Variants in TDRD7 observed in about 807,000 individuals in gnomAD.
TDRD7 encodes tudor domain containing 7.
In TDRD7, 47 loss-of-function variants were observed where a neutral mutation model predicts 109.8. The ratio of observed to expected loss-of-function variants is 0.43; its 90% CI spans 0.34 to 0.55. TDRD7 has a LOEUF of 0.55. Ranked by LOEUF, TDRD7 falls within the 20% of genes least tolerant of loss-of-function variation. TDRD7 has a pLI of 0.03. For synonymous variants in TDRD7, 424 were observed against 457.3 expected (o/e 0.93, Z 0.93); for missense variants, 1,164 against 1,319.2 (o/e 0.88, Z 1.82).
chr9:97,489,056 C>G (rs1829259443), intron 16 of TDRD7, among the ~76,000 whole-genome samples: 1 of 152,070 alleles, frequency 6.6e-6, no homozygotes, highest in African/African-American at 2.4e-5. Flanking sequence ...TTTTATTTCC[C>G]AAAATGTGGT....
intron 16 of TDRD7, among the ~76,000 whole-genome samples, chr9:97,488,560 G>GTTTTTTTTTTTTTT (rs61689126): frequency 2.1e-5 from 3 of 140,598 alleles, no homozygotes; most frequent in Non-Finnish European, 3.1e-5. Flanking sequence ...AGATTTAATG[G>GTTTTTTTTTTTTTT]TTTTTTTTTT....
At chr9:97,478,122 G>A (rs563576646) in intron 12 of TDRD7, among the ~76,000 whole-genome samples, 3 of 152,144 alleles carry the variant, frequency 2.0e-5, no homozygotes, top group Admixed American at 6.5e-5. Flanking sequence ...TTAGCTGGTT[G>A]TGGTGGTGGG....
Position 97,466,558 on chromosome 9 carries a change from G to A in TDRD7, c.1629+1530G>A, listed in dbSNP as rs551633712. Among the ~76,000 whole-genome samples, 138 of 152,298 alleles carry A rather than the reference G, an allele frequency of 9.1e-4. 1 individual carries two copies. Among genetic ancestry groups the A allele is most frequent in the Non-Finnish European group, 1.6e-3 (110 of 68,038 alleles). On this transcript the variant is annotated intron_variant, in intron 8 of 16. Transcript: ENST00000355295. Reference sequence around the variant, plus strand: ...ACACAGCCCAAATGTTCACCAACAGGTGGATCATAAAAACAAATTATAGTT... The same window carrying A: ...ACACAGCCCAAATGTTCACCAACAGATGGATCATAAAAACAAATTATAGTT...
intron 1 of TDRD7, among the ~76,000 whole-genome samples, chr9:97,423,582 T>G (rs1827933268): frequency 7.6e-6 from 1 of 131,262 alleles, no homozygotes. Flanking sequence ...GATATAAATT[T>G]CTCTTTTTGT....
chr9:97,424,855 T>C (rs1180953789), intron 1 of TDRD7, among the ~76,000 whole-genome samples: 1 of 152,086 alleles, frequency 6.6e-6, no homozygotes, highest in East Asian at 1.9e-4. Context: ...CCCTTTTTTT[T>C]CTCCTTTTTC....
At chr9:97,421,698 TTGTGTGTGTGTGTGTGTG>T (rs59218055) in intron 1 of TDRD7, among the ~76,000 whole-genome samples, 167 of 142,924 alleles carry the variant, frequency 1.2e-3, no homozygotes, top group East Asian at 5.7e-3. Flanking sequence ...TGCCCAGCTT[TTGTGTGTGTGTGTGTGTG>T]TGTGTGTGTG....
intron 2 of TDRD7, among the ~76,000 whole-genome samples, chr9:97,430,562 A>T (rs997584085): frequency 2.0e-5 from 3 of 152,204 alleles, no homozygotes; most frequent in Admixed American, 6.5e-5. Context: ...GAGCCTCTGC[A>T]TTCCCATGTG....
At chr9:97,426,485 C>T (rs533040169) in intron 1 of TDRD7, among the ~76,000 whole-genome samples, 1 of 152,158 alleles carries the variant, frequency 6.6e-6, no homozygotes, top group Non-Finnish European at 1.5e-5. Context: ...CTCCTGGGCT[C>T]AAGTGATTCT....
intron 6 of TDRD7, among the ~76,000 whole-genome samples, chr9:97,457,684 G>A (rs775500538): frequency 2.0e-5 from 3 of 152,052 alleles, no homozygotes; most frequent in Non-Finnish European, 4.4e-5. Context: ...GGCCACACAC[G>A]TATGTTTATT....
chr9:97,474,074 C>G (rs1828968432), intron 11 of TDRD7, among the ~76,000 whole-genome samples: 1 of 152,150 alleles, frequency 6.6e-6, no homozygotes, highest in African/African-American at 2.4e-5. Context: ...TTCCTCCTTA[C>G]CCATCACTCC....
intron 6 of TDRD7, among the ~76,000 whole-genome samples, chr9:97,454,363 CCAGCTA>C (rs773359185): frequency 2.6e-5 from 4 of 152,156 alleles, no homozygotes; most frequent in Non-Finnish European, 4.4e-5. Context: ...ACCTGTAGTC[CCAGCTA>C]CTCAGGAGGC....
intron 8 of TDRD7, 60 bp from the exon 9 acceptor site, chr9:97,470,498 T>C (rs1828891906): frequency 6.9e-7 from 1 of 1,451,594 alleles, no homozygotes; most frequent in East Asian, 2.3e-5. Context: ...ATTAAGTGTA[T>C]CAAATGAATT....
intron 1 of TDRD7, among the ~76,000 whole-genome samples, chr9:97,419,899 A>T (rs1490833176): frequency 6.6e-6 from 1 of 152,172 alleles, no homozygotes; most frequent in African/African-American, 2.4e-5. Context: ...TAGCTTATCT[A>T]CATCCCGCGA....
intron 6 of TDRD7, among the ~76,000 whole-genome samples, chr9:97,453,787 T>TA (rs1390443481): frequency 6.6e-6 from 1 of 151,618 alleles, no homozygotes; most frequent in Non-Finnish European, 1.5e-5. Context: ...CCAACAAAGA[T>TA]AAAAAAAGAC....
chr9:97,468,220 G>A (rs754342641), intron 8 of TDRD7, among the ~76,000 whole-genome samples: 2 of 152,328 alleles, frequency 1.3e-5, no homozygotes, highest in Non-Finnish European at 1.5e-5. Flanking sequence ...GAGAATACAC[G>A]TAGAGAGGAG....
chr9:97,469,077 A>G (rs888005406), intron 8 of TDRD7, among the ~76,000 whole-genome samples: 1 of 152,222 alleles, frequency 6.6e-6, no homozygotes, highest in Non-Finnish European at 1.5e-5. Flanking sequence ...TGTGCTAAGA[A>G]TACATTCTGA....
At chr9:97,485,025 A>G (rs904897743) in intron 15 of TDRD7, among the ~76,000 whole-genome samples, 1 of 152,232 alleles carries the variant, frequency 6.6e-6, no homozygotes, top group African/African-American at 2.4e-5. Context: ...GATGTTTTGT[A>G]TATAAAAACA....
chr9:97,428,543 G>A lies in TDRD7; in HGVS notation c.78G>A (p.Arg26=), dbSNP rs1351297795. 1.2e-6 allele frequency: 2 copies of A among 1,614,016 alleles called. No individual in the cohort carries two copies. The highest frequency in any genetic ancestry group is 1.3e-5 in the African/African-American group (1 of 75,026). Residue 26 remains arginine, a synonymous_variant, in exon 2 of 17, where the codon CGG becomes CGA. Transcript: ENST00000355295. ...QSHKNGVALP[R]LQGEYRSLTG... is the part of the protein sequence containing the mutation. ...ATAAGAATGGAGTAGCATTACCCCG[G>A]CTCCAAGGAGAGTACAGATCCTTGA...
chr9:97,471,832 C>G (rs555717607), intron 9 of TDRD7, among the ~76,000 whole-genome samples: 2 of 151,988 alleles, frequency 1.3e-5, no homozygotes, highest in South Asian at 4.2e-4. Flanking sequence ...TCCTAAGGGT[C>G]AATAAAAAAG....
Sources: allele counts gnomAD v4.1 joint callset (sites outside exome capture counted in the v4.1 genomes callset), GRCh38; gene constraint gnomAD v4.1.1; transcripts MANE v1.5; gene names NCBI Gene and HGNC (gene_info 2026-07-23, HGNC 2026-07-21).